CSRNP3: variants seen among roughly 807,000 people sequenced by gnomAD.
CSRNP3 encodes cysteine and serine rich nuclear protein 3.
CSRNP3 carries 12 observed loss-of-function variants against 48.0 expected under a neutral mutation model. The observed-to-expected ratio is 0.25, with a 90% CI of 0.16 to 0.41. The LOEUF (loss-of-function observed/expected upper bound fraction) is 0.41, where lower values mean the gene tolerates loss of function less well. Ranked by LOEUF, CSRNP3 falls within the 10% of genes least tolerant of loss-of-function variation. The probability of loss-of-function intolerance (pLI) is 1.00; values close to 1 mark genes in which losing one functional copy is unlikely to be tolerated. For missense variants in CSRNP3, 580 were observed against 724.4 expected, an observed-to-expected ratio of 0.80 and a Z score of 2.29; for synonymous variants, 263 against 269.7, an observed-to-expected ratio of 0.98 and a Z score of 0.24.
At chr2:165,538,326 G>A (rs1684908897) in intron 3 of CSRNP3, among the ~76,000 whole-genome samples, 3 of 151,956 alleles carry the variant, frequency 2.0e-5, no homozygotes, top group African/African-American at 7.2e-5. Flanking sequence ...AAAACCAGTA[G>A]GAAAGTGGGA....
Position 165,572,404 on chromosome 2 carries a change from G to T in CSRNP3, c.-23-22639G>T, listed in dbSNP as rs145708293. On this transcript the variant is annotated intron_variant, in intron 3 of 6. Coordinates refer to ENST00000651982, the MANE Select transcript of CSRNP3 (RefSeq NM_001172173.2). ...AGTCTTTGTGCAGAGTGAAGCTCTT[G>T]TTGCTGAACAATAAAGCATATGGTA... 1.1e-3 allele frequency: 168 copies of T among 152,226 alleles called. 1 individual carries two copies. The highest frequency in any genetic ancestry group is 4.0e-3 in the African/African-American group (166 of 41,544). The allele number at this position is 152,226 out of a possible 1,614,324, so 9.4% of individuals were successfully genotyped here. A position where few individuals can be genotyped will look rare whatever the true frequency, so the allele number is the denominator to read the frequency against.
chr2:165,664,356 A>G (rs1687144581), intron 5 of CSRNP3, among the ~76,000 whole-genome samples: 1 of 152,220 alleles, frequency 6.6e-6, no homozygotes, highest in Non-Finnish European at 1.5e-5. Context: ...GATCCAGAGC[A>G]CACAGCTTTT....
chr2:165,523,162 C>T (rs746861424), intron 3 of CSRNP3, among the ~76,000 whole-genome samples: 1 of 152,144 alleles, frequency 6.6e-6, no homozygotes, highest in Admixed American at 6.5e-5. Context: ...CCTTCAATCT[C>T]TAAGAGGGCT....
intron 1 of CSRNP3, among the ~76,000 whole-genome samples, chr2:165,487,699 T>G (rs1684141395): frequency 6.8e-6 from 1 of 146,650 alleles, no homozygotes; most frequent in Non-Finnish European, 1.5e-5. Context: ...CAAGCTAAGC[T>G]TCATAAGTGA....
At chr2:165,529,267 GC>G (rs1306309939) in intron 3 of CSRNP3, among the ~76,000 whole-genome samples, 2 of 152,160 alleles carry the variant, frequency 1.3e-5, no homozygotes, top group Non-Finnish European at 1.5e-5. Context: ...ATGTGGTTTG[GC>G]TGTGTCTCCA....
chr2:165,652,942 T>G (rs1392379075), intron 4 of CSRNP3, among the ~76,000 whole-genome samples: 5 of 152,136 alleles, frequency 3.3e-5, no homozygotes. Flanking sequence ...AATACTGAAC[T>G]CTGTAGAGAC....
rs1477981451 is a variant in CSRNP3, at chr2:165,681,766, C to T, written c.*2013C>T. ...ATATATATATATATATATATACACACACACACACACATACACATATATATA... is the reference window on the plus strand; with the variant it reads ...ATATATATATATATATATATACACATACACACACACATACACATATATATA... On this transcript the variant is annotated 3_prime_UTR_variant, in exon 7 of 7. Coordinates refer to ENST00000651982, the MANE Select transcript of CSRNP3 (RefSeq NM_001172173.2). 3.6e-4 allele frequency: 43 copies of T among 118,088 alleles called. No individual in the cohort carries two copies. Among genetic ancestry groups the T allele is most frequent in the East Asian group, 2.4e-3 (10 of 4,210 alleles). 7.3% of individuals were successfully genotyped at this position (118,088 alleles called of 1,614,324 possible). A position where few individuals can be genotyped will look rare whatever the true frequency, so the allele number is the denominator to read the frequency against.
chr2:165,525,549 C>T (rs1684721330), intron 3 of CSRNP3, among the ~76,000 whole-genome samples: 1 of 145,910 alleles, frequency 6.9e-6, no homozygotes, highest in Non-Finnish European at 1.5e-5. Flanking sequence ...TGCAGTGGTG[C>T]GATCTAGGCT....
intron 2 of CSRNP3, among the ~76,000 whole-genome samples, chr2:165,501,464 T>C (rs1245740881): frequency 6.6e-6 from 1 of 152,114 alleles, no homozygotes; most frequent in Non-Finnish European, 1.5e-5. Flanking sequence ...AGTATGGAAA[T>C]GGTTGGAATT....
intron 4 of CSRNP3, among the ~76,000 whole-genome samples, chr2:165,655,404 T>C (rs530889240): frequency 1.5e-4 from 23 of 152,320 alleles, no homozygotes; most frequent in Middle Eastern, 3.4e-3. Context: ...ACATGAGTAA[T>C]ATCAACCAGG....
intron 1 of CSRNP3, among the ~76,000 whole-genome samples, chr2:165,475,860 A>G (rs951136539): frequency 6.6e-6 from 1 of 152,174 alleles, no homozygotes; most frequent in African/African-American, 2.4e-5. Context: ...GCTCTCCTAC[A>G]TTAACGGGAT....
chr2:165,578,366 T>C (rs953813869), intron 3 of CSRNP3, among the ~76,000 whole-genome samples: 26 of 152,088 alleles, frequency 1.7e-4, no homozygotes, highest in African/African-American at 6.0e-4. Context: ...CTCTCCCTAA[T>C]CATAAATAAG....
At chr2:165,554,762 C>T (rs1685140965) in intron 3 of CSRNP3, among the ~76,000 whole-genome samples, 1 of 152,184 alleles carries the variant, frequency 6.6e-6, no homozygotes, top group Admixed American at 6.5e-5. Context: ...TTTCAAACAG[C>T]CAGAGTCATC....
chr2:165,620,853 C>G (rs965552243), intron 4 of CSRNP3, among the ~76,000 whole-genome samples: 3 of 152,136 alleles, frequency 2.0e-5, no homozygotes, highest in East Asian at 1.9e-4. Flanking sequence ...GTCAATGTTG[C>G]CCATGGATTA....
intron 4 of CSRNP3, among the ~76,000 whole-genome samples, chr2:165,606,108 AAT>A (rs1336870595): frequency 2.0e-5 from 3 of 151,900 alleles, no homozygotes; most frequent in Non-Finnish European, 4.4e-5. Context: ...TAAAAATCTA[AAT>A]ATTTTTTAAA....
chr2:165,648,414 T>A (rs997086892), intron 4 of CSRNP3, among the ~76,000 whole-genome samples: 5 of 152,150 alleles, frequency 3.3e-5, no homozygotes, highest in African/African-American at 1.2e-4. Flanking sequence ...CAGTGGGTTG[T>A]TAGTTCTACA....
intron 3 of CSRNP3, among the ~76,000 whole-genome samples, chr2:165,548,621 C>T (rs1275075011): frequency 2.0e-5 from 3 of 152,068 alleles, no homozygotes; most frequent in Admixed American, 6.6e-5. Flanking sequence ...AAACACTTCA[C>T]TAGGTCATAA....
At chr2:165,620,441 T>C (rs1055483531) in intron 4 of CSRNP3, among the ~76,000 whole-genome samples, 2 of 152,154 alleles carry the variant, frequency 1.3e-5, no homozygotes, top group African/African-American at 4.8e-5. Flanking sequence ...GGAATAATTT[T>C]GATATTAAAA....
intron 4 of CSRNP3, among the ~76,000 whole-genome samples, chr2:165,608,826 C>T (rs1041170548): frequency 6.7e-6 from 1 of 150,164 alleles, no homozygotes; most frequent in East Asian, 2.0e-4. Flanking sequence ...TGCAGTGGCT[C>T]ACGCCTGTAA....
Sources: gnomAD v4.1 joint callset for allele counts (sites outside exome capture counted in the v4.1 genomes callset) on GRCh38, gnomAD v4.1.1 for gene constraint, MANE v1.5 for transcripts, NCBI Gene and HGNC (gene_info 2026-07-23, HGNC 2026-07-21) for gene names.